The following PCDHGA3 variants were observed in gnomAD, a reference collection of about 807,000 sequenced individuals.
PCDHGA3 encodes protocadherin gamma-A3.
In PCDHGA3, 40 loss-of-function variants were observed where a neutral mutation model predicts 58.5. The ratio of observed to expected loss-of-function variants is 0.68; its 90% confidence interval spans 0.53 to 0.89. PCDHGA3 has a LOEUF of 0.89. PCDHGA3 is among the 40% of genes least tolerant of loss of function. The probability of loss-of-function intolerance (pLI) is 0.00; values close to 1 mark genes in which losing one functional copy is unlikely to be tolerated. For synonymous variants in PCDHGA3, 530 were observed against 525.7 expected (o/e 1.01, Z -0.11); for missense variants, 1,223 against 1,195.9 (o/e 1.02, Z -0.33).
At chr5:141,363,192 A>T (rs1762836120) in intron 1 of PCDHGA3, among the ~76,000 whole-genome samples, 1 of 152,264 alleles carries the variant, frequency 6.6e-6, no homozygotes, top group Non-Finnish European at 1.5e-5. Context: ...ATTGCTCTTA[A>T]GAAAAACTAC....
At chr5:141,413,082 A>T in intron 1 of PCDHGA3, 8 of 1,344,446 alleles carry the variant, frequency 6.0e-6, no homozygotes, top group Non-Finnish European at 8.1e-6. Context: ...CCCAGGCTAC[A>T]GAGACACCCT....
Position 141,345,792 on chromosome 5 carries a change from C to G in PCDHGA3, c.1759C>G (p.Leu587Val), listed in dbSNP as rs1561490861. 3 of 1,614,100 alleles carry G rather than the reference C, an allele frequency of 1.9e-6. No individual in the cohort carries two copies. The highest frequency in any genetic ancestry group is 2.7e-5 in the African/African-American group (2 of 75,052). Residue 587 changes from leucine to valine, a missense_variant, in exon 1 of 4, where the codon CTG (leucine) becomes GTG (valine). Leu to Val is a conservative substitution (Grantham distance 32). Coordinates refer to ENST00000253812, the MANE Select transcript of PCDHGA3 (RefSeq NM_018916.4). ...LAPRSAEPGYLVTKVVAVDRD... is the reference protein window; with the variant it reads ...LAPRSAEPGYVVTKVVAVDRD... Reference sequence around the variant, plus strand: ...GCCTCGCTCCGCAGAGCCCGGCTACCTGGTGACCAAGGTGGTGGCGGTGGA... The same window carrying G: ...GCCTCGCTCCGCAGAGCCCGGCTACGTGGTGACCAAGGTGGTGGCGGTGGA...
chr5:141,421,160 A>T, intron 1 of PCDHGA3: 1 of 1,250,104 alleles, frequency 8.0e-7, no homozygotes, highest in Non-Finnish European at 1.1e-6. Flanking sequence ...CTAGGACTTC[A>T]TAGATACATA....
chr5:141,492,616 G>C (rs976681246), intron 1 of PCDHGA3, among the ~76,000 whole-genome samples: 2 of 152,252 alleles, frequency 1.3e-5, no homozygotes, highest in African/African-American at 4.8e-5. Context: ...CTAAGTGCCG[G>C]GCGGGCAGGA....
At position 141,454,796 on chromosome 5, in the gene PCDHGA3, ATTT is replaced by A. The variant is rs61612330; in HGVS notation, c.2425-39984_2425-39982del. On this transcript the variant is annotated intron_variant, in intron 1 of 3. Coordinates refer to ENST00000253812, the MANE Select transcript of PCDHGA3 (RefSeq NM_018916.4). ...AAGGAAATAATCCTCCATGGTTCTA[ATTT>A]TTTTTTTTTTTTTTTTTTTTTTTTT... is the stretch of plus-strand genomic sequence containing the variant. 8.4e-3 allele frequency among the ~76,000 whole-genome samples: 651 copies of A among 77,268 alleles called. 2 individuals are homozygous for A. Among genetic ancestry groups the A allele is most frequent in the African/African-American group, 0.012 (206 of 16,834 alleles). The allele number at this position is 77,268 out of a possible 152,430, so 50.7% of individuals were successfully genotyped here. A position where few individuals can be genotyped will look rare whatever the true frequency, so the allele number is the denominator to read the frequency against.
intron 1 of PCDHGA3, among the ~76,000 whole-genome samples, chr5:141,368,946 T>A (rs1330631003): frequency 6.6e-6 from 1 of 152,202 alleles, no homozygotes. Flanking sequence ...CTGGTTACTG[T>A]GAGTAGTTTA....
At chr5:141,501,333 A>ACC (rs1554187333) in intron 2 of PCDHGA3, among the ~76,000 whole-genome samples, 192 of 140,118 alleles carry the variant, frequency 1.4e-3, no homozygotes, top group Admixed American at 5.6e-3. Flanking sequence ...ACACACACAC[A>ACC]CCCCAAACTC....
At position 141,345,642 on chromosome 5, in the gene PCDHGA3, A is replaced by C; in HGVS notation, c.1609A>C (p.Ser537Arg). The change falls in exon 1 of 4, where the codon AGC becomes CGC. Residue 537 changes from serine to arginine, a missense_variant. This residue lies in a region of PCDHGA3 where 791 missense variants were observed against 708.5 expected (regional missense o/e 1.12). Transcript: ENST00000253812. ...DLKLLVTASD[S>R]GNPPLSSNVS... Reference sequence around the variant, plus strand: ...AAAGCTACTGGTGACAGCCAGCGACAGCGGGAACCCTCCACTCAGCAGCAA... The same window carrying C: ...AAAGCTACTGGTGACAGCCAGCGACCGCGGGAACCCTCCACTCAGCAGCAA... 1 of 1,614,214 alleles carries C rather than the reference A, an allele frequency of 6.2e-7. No homozygotes were observed. The highest frequency in any genetic ancestry group is 8.5e-7 in the Non-Finnish European group (1 of 1,180,046).
intron 1 of PCDHGA3, among the ~76,000 whole-genome samples, chr5:141,407,377 C>A (rs1436703926): frequency 6.6e-6 from 1 of 152,170 alleles, no homozygotes; most frequent in Non-Finnish European, 1.5e-5. Context: ...TCCATGAAGG[C>A]TTGTATGTCA....
chr5:141,507,601 A>G (rs2099861935), intron 3 of PCDHGA3, among the ~76,000 whole-genome samples: 1 of 152,254 alleles, frequency 6.6e-6, no homozygotes, highest in South Asian at 2.1e-4. Flanking sequence ...TGAGGGAAAT[A>G]AACAGGTATA....
chr5:141,460,822 C>A (rs2098998601), intron 1 of PCDHGA3, among the ~76,000 whole-genome samples: 2 of 151,502 alleles, frequency 1.3e-5, no homozygotes, highest in South Asian at 4.1e-4. Context: ...TACATATATA[C>A]ACACTTAAAG....
intron 1 of PCDHGA3, chr5:141,423,481 C>G: frequency 6.2e-7 from 1 of 1,613,908 alleles, no homozygotes; most frequent in South Asian, 1.1e-5. Context: ...GGCTTTCCTG[C>G]AAACCTATTC....
At position 141,476,011 on chromosome 5, in the gene PCDHGA3, A is replaced by C. The variant is rs1415142555; in HGVS notation, c.2425-18796A>C. On this transcript the variant is annotated intron_variant, in intron 1 of 3. Coordinates refer to ENST00000253812, the MANE Select transcript of PCDHGA3 (RefSeq NM_018916.4). This position sits in a 1 kb window ranked among gnomAD's most constrained non-coding sequence, Gnocchi z 7.6. The stretch of plus-strand genomic sequence containing the variant: ...GCAAATCAACGGCATCCAGAAAGCC[A>C]TGTCGGACTCGGCGCCCAGCGCCCA... 2.3e-6 allele frequency: 3 copies of C among 1,311,164 alleles called. No homozygotes were observed. Among genetic ancestry groups the C allele is most frequent in the African/African-American group, 1.5e-5 (1 of 68,020 alleles). 81.2% of individuals were successfully genotyped at this position (1,311,164 alleles called of 1,614,324 possible).
chr5:141,487,661 C>A lies in PCDHGA3; in HGVS notation c.2425-7146C>A. ...ACAAATGCTTGAGGGTTATTCTGATCCAGGCATATGGCTAGGCCATGTCCT... is the reference window on the plus strand; with the variant it reads ...ACAAATGCTTGAGGGTTATTCTGATACAGGCATATGGCTAGGCCATGTCCT... On this transcript the variant is annotated intron_variant, in intron 1 of 3. Transcript: ENST00000253812. This position sits in a 1 kb window ranked among gnomAD's most constrained non-coding sequence, Gnocchi z 5.0. The A allele has an allele frequency of 6.2e-7, 1 of 1,613,366 alleles. No homozygotes were observed. Among genetic ancestry groups the A allele is most frequent in the Non-Finnish European group, 8.5e-7 (1 of 1,179,646 alleles).
chr5:141,423,236 C>G, intron 1 of PCDHGA3: 1 of 1,613,920 alleles, frequency 6.2e-7, no homozygotes, highest in Non-Finnish European at 8.5e-7. Flanking sequence ...GACAGCATCC[C>G]CGAAGTCCTG....
In PCDHGA3 at chr5:141,423,110, G is replaced by A. The variant is rs62621243; in HGVS notation, c.2425-71697G>A. On this transcript the variant is annotated intron_variant, in intron 1 of 3. Coordinates refer to ENST00000253812, the MANE Select transcript of PCDHGA3 (RefSeq NM_018916.4). ...GTGGGGGAGCACACGGGCGAGGTGC[G>A]TACAGCGCGGGCACTGCTGGACAGA... The A allele has an allele frequency of 0.016, 25,324 of 1,613,842 alleles. 257 individuals carry two copies. Among genetic ancestry groups the A allele is most frequent in the Non-Finnish European group, 0.019 (22,060 of 1,179,980 alleles).
intron 1 of PCDHGA3, chr5:141,351,906 G>A: frequency 1.2e-6 from 2 of 1,613,416 alleles, no homozygotes; most frequent in Non-Finnish European, 1.7e-6. Flanking sequence ...GTGTTGGTGG[G>A]CGACCTCAAT....
chr5:141,373,718 CA>C, intron 1 of PCDHGA3, among the ~76,000 whole-genome samples: 1 of 152,310 alleles, frequency 6.6e-6, no homozygotes, highest in East Asian at 1.9e-4. Context: ...TAATCTCTTA[CA>C]CTCTTCTAAA....
intron 1 of PCDHGA3, among the ~76,000 whole-genome samples, chr5:141,456,499 A>C (rs1283501704): frequency 6.6e-6 from 1 of 152,210 alleles, no homozygotes; most frequent in Non-Finnish European, 1.5e-5. Flanking sequence ...AAAGGGGTTA[A>C]CCAATTCCAT....
Sources: gnomAD v4.1 joint callset for allele counts (sites outside exome capture counted in the v4.1 genomes callset) on GRCh38, gnomAD v4.1.1 for gene constraint, gnomAD v4.1.1 regional missense constraint, Gnocchi (gnomAD v3.1) non-coding constraint, MANE v1.5 for transcripts, NCBI Gene and HGNC (gene_info 2026-07-23, HGNC 2026-07-21) for gene names.